Variants in XKR4 observed in about 807,000 individuals in gnomAD.
The protein encoded by XKR4 is XK-related protein 4.
A neutral mutation model predicts 53.9 loss-of-function variants in XKR4; 12 were observed. The ratio of observed to expected loss-of-function variants is 0.22; its 90% CI spans 0.14 to 0.36. XKR4 has a LOEUF of 0.36. Among genes scored for constraint, XKR4 ranks in the 10% least tolerant of loss-of-function variants. XKR4 has a pLI of 1.00. For synonymous variants in XKR4, 354 were observed against 362.4 expected (o/e 0.98, Z 0.26); for missense variants, 799 against 859.5 (o/e 0.93, Z 0.88).
At chr8:55,110,346 G>A (rs1220372750) in intron 1 of XKR4, among the ~76,000 whole-genome samples, 1 of 152,190 alleles carries the variant, frequency 6.6e-6, no homozygotes, top group Non-Finnish European at 1.5e-5. Flanking sequence ...GGCTGGTCAG[G>A]AAGGAAGACC....
chr8:55,172,224 AG>A (rs1817170831), intron 1 of XKR4, among the ~76,000 whole-genome samples: 3 of 151,108 alleles, frequency 2.0e-5, no homozygotes, highest in Admixed American at 6.6e-5. Flanking sequence ...AAAAAAAAAA[AG>A]TCCCCGTTTT....
At chr8:55,470,578 G>A (rs1002194322) in intron 2 of XKR4, among the ~76,000 whole-genome samples, 5 of 152,092 alleles carry the variant, frequency 3.3e-5, no homozygotes, top group African/African-American at 9.7e-5. Flanking sequence ...CAAGTCTCAG[G>A]TATGTCTTTA....
chr8:55,341,182 G>A (rs1044827449), intron 1 of XKR4, among the ~76,000 whole-genome samples: 2 of 152,116 alleles, frequency 1.3e-5, no homozygotes, highest in African/African-American at 4.8e-5. Flanking sequence ...TAGGGAAGGG[G>A]AACACACAGA....
At chr8:55,295,493 C>G (rs1819088831) in intron 1 of XKR4, among the ~76,000 whole-genome samples, 1 of 151,774 alleles carries the variant, frequency 6.6e-6, no homozygotes, top group African/African-American at 2.4e-5. Context: ...GTAGCAGGGA[C>G]AAAGAAATAA....
At chr8:55,490,865 C>G (rs1379750977) in intron 2 of XKR4, among the ~76,000 whole-genome samples, 2 of 152,100 alleles carry the variant, frequency 1.3e-5, no homozygotes, top group African/African-American at 4.8e-5. Context: ...TTGTTGAGAA[C>G]CTTGGTTTAC....
At chr8:55,209,421 C>T (rs1457292062) in intron 1 of XKR4, among the ~76,000 whole-genome samples, 1 of 152,180 alleles carries the variant, frequency 6.6e-6, no homozygotes, top group Non-Finnish European at 1.5e-5. Context: ...GGAATTTAAA[C>T]ACAGACAGTC....
rs1193042860 is a variant in XKR4, at chr8:55,536,427, T to C, written c.*12200T>C. 1 of 152,190 alleles carries C rather than the reference T, an allele frequency of 6.6e-6. No individual in the cohort carries two copies. The highest frequency in any genetic ancestry group is 2.4e-5 in the African/African-American group (1 of 41,438). The allele number at this position is 152,190 out of a possible 1,614,324, so 9.4% of individuals were successfully genotyped here. A position where few individuals can be genotyped will look rare whatever the true frequency, so the allele number is the denominator to read the frequency against. ...AAGTAGACAAGGAGTTATTAAAAAA[T>C]AAAGACTGTCCACATGACTGCAAAT... On this transcript the variant is annotated 3_prime_UTR_variant, in exon 3 of 3. Transcript: ENST00000327381.
At chr8:55,355,757 C>A (rs1803789179) in intron 1 of XKR4, among the ~76,000 whole-genome samples, 1 of 152,184 alleles carries the variant, frequency 6.6e-6, no homozygotes, top group Non-Finnish European at 1.5e-5. Context: ...TTGGGCCTTG[C>A]ATGGAATATG....
chr8:55,506,906 C>A (rs1024960405), intron 2 of XKR4, among the ~76,000 whole-genome samples: 3 of 152,178 alleles, frequency 2.0e-5, no homozygotes, highest in Admixed American at 2.0e-4. Context: ...TTTCTTTTAT[C>A]CAATGACAAG....
intron 1 of XKR4, among the ~76,000 whole-genome samples, chr8:55,203,997 GTTTTGCT>G (rs562762298): frequency 1.4e-4 from 22 of 152,202 alleles, no homozygotes; most frequent in South Asian, 8.3e-4. Flanking sequence ...TTGGGTGTTT[GTTTTGCT>G]TTTTGTTTTT....
At chr8:55,156,101 C>A (rs530257382) in intron 1 of XKR4, among the ~76,000 whole-genome samples, 1 of 151,806 alleles carries the variant, frequency 6.6e-6, no homozygotes, top group South Asian at 2.1e-4. Context: ...AGGAAGGTGG[C>A]CTTTAGGAGG....
At chr8:55,454,873 C>G (rs1008984864) in intron 2 of XKR4, 1 of 762,908 alleles carries the variant, frequency 1.3e-6, no homozygotes, top group East Asian at 2.5e-5. Flanking sequence ...GCATCCTTAG[C>G]GCGTGTCGTT....
intron 2 of XKR4, among the ~76,000 whole-genome samples, chr8:55,372,243 G>T (rs1804078425): frequency 6.6e-6 from 1 of 152,150 alleles, no homozygotes. Context: ...CTTTCCTGTG[G>T]TGTCTTCATT....
intron 1 of XKR4, among the ~76,000 whole-genome samples, chr8:55,261,367 C>G (rs1166072736): frequency 6.6e-6 from 1 of 152,196 alleles, no homozygotes; most frequent in African/African-American, 2.4e-5. Context: ...TTCTGTGACT[C>G]AAGATAACTT....
At chr8:55,118,252 C>T (rs772776787) in intron 1 of XKR4, among the ~76,000 whole-genome samples, 1 of 152,134 alleles carries the variant, frequency 6.6e-6, no homozygotes, top group African/African-American at 2.4e-5. Flanking sequence ...TTGGGAAATG[C>T]GTAGTACTAA....
intron 1 of XKR4, among the ~76,000 whole-genome samples, chr8:55,129,260 T>G (rs545560282): frequency 6.6e-6 from 1 of 152,262 alleles, no homozygotes; most frequent in Admixed American, 6.5e-5. Flanking sequence ...AGAAAAGAAT[T>G]TTCTAAGACA....
At chr8:55,187,288 ATC>A (rs904410600) in intron 1 of XKR4, among the ~76,000 whole-genome samples, 10 of 135,488 alleles carry the variant, frequency 7.4e-5, no homozygotes, top group Admixed American at 3.2e-4. Context: ...TAGTGGGAAA[ATC>A]TCTGTTTCCA....
chr8:55,468,251 G>A (rs1486432144), intron 2 of XKR4, among the ~76,000 whole-genome samples: 58 of 151,990 alleles, frequency 3.8e-4, no homozygotes, highest in East Asian at 1.9e-4. Context: ...CTTGGTCGTG[G>A]GAAATATACC....
intron 2 of XKR4, among the ~76,000 whole-genome samples, chr8:55,364,631 T>TA (rs746202286): frequency 0.058 from 8,829 of 151,708 alleles, 676 homozygotes; most frequent in African/African-American, 0.18. Flanking sequence ...TTTGTTTTGT[T>TA]GGGGTTTTTT....
Sources: gnomAD v4.1 joint callset for allele counts (sites outside exome capture counted in the v4.1 genomes callset) on GRCh38, gnomAD v4.1.1 for gene constraint, MANE v1.5 for transcripts, NCBI Gene and HGNC (gene_info 2026-07-23, HGNC 2026-07-21) for gene names.